The following RGS5 variants were observed in gnomAD, a reference collection of about 807,000 sequenced individuals.
RGS5 encodes the protein regulator of G protein signaling 5.
In RGS5, 20 loss-of-function variants were observed where a neutral mutation model predicts 18.9. That is an observed-to-expected ratio of 1.06 (90% CI 0.74 to 1.54). The LOEUF (loss-of-function observed/expected upper bound fraction) is 1.54, where lower values mean the gene tolerates loss of function less well. Ranked by LOEUF, RGS5 falls within the 40% of genes most tolerant of loss-of-function variation. The pLI is 0.00. For missense variants in RGS5, 201 were observed against 211.8 expected (o/e 0.95, Z 0.32); for synonymous variants, 57 against 76.2 (o/e 0.75, Z 1.31).
chr1:163,261,246 C>A (rs1648426443), intron 2 of RGS5, among the ~76,000 whole-genome samples: 1 of 152,140 alleles, frequency 6.6e-6, no homozygotes, highest in South Asian at 2.1e-4. Flanking sequence ...ATGCATCCAT[C>A]CACACCAGTC....
Position 163,152,531 on chromosome 1 carries a change from C to G in RGS5, c.384+19G>C. The G allele has an allele frequency of 6.2e-7, 1 of 1,601,096 alleles. No individual in the cohort carries two copies. Among genetic ancestry groups the G allele is most frequent in the Non-Finnish European group, 8.5e-7 (1 of 1,174,640 alleles). ...GCTAATGAGCTGCCCTTAACTGACCCACCTACCCAGAGACCAACCTCTTTA... is the reference window on the plus strand; with the variant it reads ...GCTAATGAGCTGCCCTTAACTGACCGACCTACCCAGAGACCAACCTCTTTA... On this transcript the variant is annotated intron_variant, in intron 4 of 4. Coordinates refer to ENST00000313961, the MANE Select transcript of RGS5 (RefSeq NM_003617.4).
At chr1:163,180,187 T>C (rs936446816) in intron 1 of RGS5, among the ~76,000 whole-genome samples, 1 of 152,158 alleles carries the variant, frequency 6.6e-6, no homozygotes, top group Admixed American at 6.5e-5. Context: ...TGTTGCCCAG[T>C]CTGGTCTCAA....
intron 2 of RGS5, among the ~76,000 whole-genome samples, chr1:163,224,420 T>C (rs1647289809): frequency 6.6e-6 from 1 of 152,262 alleles, no homozygotes; most frequent in Non-Finnish European, 1.5e-5. Context: ...CCACTGTGCA[T>C]ATATACCACA....
At chr1:163,294,407 A>C (rs1649370322) in intron 2 of RGS5, among the ~76,000 whole-genome samples, 1 of 152,250 alleles carries the variant, frequency 6.6e-6, no homozygotes, top group Non-Finnish European at 1.5e-5. Context: ...ACATGGCCCA[A>C]GCTGTACCTT....
At chr1:163,208,518 TAAAAAAAAAAAA>T (rs55700806) in intron 1 of RGS5, among the ~76,000 whole-genome samples, 59 of 14,464 alleles carry the variant, frequency 4.1e-3, no homozygotes, top group South Asian at 3.8e-3. Flanking sequence ...CCACCTCCAT[TAAAAAAAAAAAA>T]AAAAAAAAAA....
intron 2 of RGS5, among the ~76,000 whole-genome samples, chr1:163,300,076 G>T (rs1315671668): frequency 5.9e-5 from 9 of 152,138 alleles, no homozygotes; most frequent in Admixed American, 4.6e-4. Context: ...TGTTTCCCGA[G>T]GTAAACAGTG....
chr1:163,291,343 C>T (rs1218516113), intron 2 of RGS5, among the ~76,000 whole-genome samples: 1 of 152,052 alleles, frequency 6.6e-6, no homozygotes, highest in Non-Finnish European at 1.5e-5. Context: ...CTTAAGTATT[C>T]CTGGGTTTAT....
intron 2 of RGS5, among the ~76,000 whole-genome samples, chr1:163,278,928 G>T (rs1648925871): frequency 6.6e-6 from 1 of 152,002 alleles, no homozygotes; most frequent in Non-Finnish European, 1.5e-5. Context: ...TAAACTTCAG[G>T]TTAAAAGGGA....
Position 163,155,928 on chromosome 1 carries a change from T to A in RGS5, c.218-3212A>T, listed in dbSNP as rs541065560. Among the ~76,000 whole-genome samples, 32 of 152,208 alleles carry A rather than the reference T, an allele frequency of 2.1e-4. 1 individual carries two copies. The South Asian group carries it at 5.4e-3, about 26-fold the overall frequency. ...TGTAATCTACATTACAATTCCAGAG[T>A]TCGCCCTAATGAATGGTGTCACTTT... On this transcript the variant is annotated intron_variant, in intron 3 of 4. Transcript: ENST00000313961.
intron 3 of RGS5, among the ~76,000 whole-genome samples, chr1:163,160,405 C>G (rs564856546): frequency 1.3e-5 from 2 of 152,246 alleles, no homozygotes; most frequent in East Asian, 3.9e-4. Flanking sequence ...TACTAGTTGA[C>G]CTTGTGGAAT....
chr1:163,197,776 T>C (rs1659622863), intron 1 of RGS5, among the ~76,000 whole-genome samples: 1 of 152,200 alleles, frequency 6.6e-6, no homozygotes, highest in Non-Finnish European at 1.5e-5. Flanking sequence ...AAATTCATAC[T>C]TATTCTCAGC....
chr1:163,245,316 C>G (rs1036625622), intron 2 of RGS5, among the ~76,000 whole-genome samples: 5 of 152,226 alleles, frequency 3.3e-5, no homozygotes, highest in South Asian at 4.1e-4. Flanking sequence ...GCAAAGCTCA[C>G]ATACTTGTAC....
intron 1 of RGS5, chr1:163,172,716 G>A: frequency 9.2e-7 from 1 of 1,091,936 alleles, no homozygotes; most frequent in Non-Finnish European, 1.3e-6. Context: ...TTTAAGTTGT[G>A]AAGTCTATTA....
At chr1:163,160,141 C>T (rs1657745770) in intron 3 of RGS5, among the ~76,000 whole-genome samples, 1 of 152,136 alleles carries the variant, frequency 6.6e-6, no homozygotes. Flanking sequence ...AATATATAGA[C>T]ATGTAGCCCT....
chr1:163,164,025 A>G (rs1368239223), intron 2 of RGS5, among the ~76,000 whole-genome samples: 4 of 152,200 alleles, frequency 2.6e-5, no homozygotes, highest in African/African-American at 9.6e-5. Flanking sequence ...GCAGCACATC[A>G]CAGCCAAGAT....
chr1:163,186,592 A>G (rs1269515158), intron 1 of RGS5, among the ~76,000 whole-genome samples: 4 of 140,182 alleles, frequency 2.9e-5, no homozygotes, highest in African/African-American at 5.6e-5. Context: ...AAAAAAAAAA[A>G]AAAAAGAAAA....
chr1:163,293,656 A>G (rs1649350152), intron 2 of RGS5, among the ~76,000 whole-genome samples: 1 of 152,190 alleles, frequency 6.6e-6, no homozygotes, highest in Non-Finnish European at 1.5e-5. Context: ...ACAGCCTGCC[A>G]AAGTCTTAAC....
At chr1:163,195,757 TA>T (rs1347510716) in intron 1 of RGS5, among the ~76,000 whole-genome samples, 1 of 152,056 alleles carries the variant, frequency 6.6e-6, no homozygotes, top group Non-Finnish European at 1.5e-5. Context: ...TTGACTGACT[TA>T]AATTATGTTT....
At chr1:163,161,736 C>T (rs1657805323) in intron 3 of RGS5, 179 bp downstream of exon 3, 1 of 537,646 alleles carries the variant, frequency 1.9e-6, no homozygotes, top group Admixed American at 3.0e-5. Flanking sequence ...GCCACAGACC[C>T]TCCTTTTCTT....
Sources: gnomAD v4.1 joint callset for allele counts (sites outside exome capture counted in the v4.1 genomes callset) on GRCh38, gnomAD v4.1.1 for gene constraint, MANE v1.5 for transcripts, NCBI Gene and HGNC (gene_info 2026-07-23, HGNC 2026-07-21) for gene names.